CSMD1: variants seen among roughly 807,000 people sequenced by gnomAD.
The protein encoded by CSMD1 is CUB and sushi domain-containing protein 1.
In CSMD1, 213 loss-of-function variants were observed where a neutral mutation model predicts 417.5. The observed-to-expected ratio is 0.51, with a 90% CI of 0.46 to 0.57. The LOEUF (loss-of-function observed/expected upper bound fraction) is 0.57, where lower values mean the gene tolerates loss of function less well. Among genes scored for constraint, CSMD1 ranks in the 20% least tolerant of loss-of-function variants. The pLI is 0.00. For missense variants in CSMD1, 6,923 were observed against 4,529.7 expected, an observed-to-expected ratio of 1.53 and a Z score of -15.17; for synonymous variants, 2,862 against 1,736.8, an observed-to-expected ratio of 1.65 and a Z score of -16.11.
intron 2 of CSMD1, among the ~76,000 whole-genome samples, chr8:4,595,387 C>CTTTTTTTTTT: frequency 1.2e-4 from 18 of 147,318 alleles, no homozygotes; most frequent in East Asian, 2.0e-4. Flanking sequence ...CATTCATTTT[C>CTTTTTTTTTT]ATTCCATCCA....
intron 12 of CSMD1, among the ~76,000 whole-genome samples, chr8:3,460,120 G>C (rs62473729): frequency 0.014 from 2,181 of 152,196 alleles, 21 homozygotes; most frequent in Middle Eastern, 0.024. Flanking sequence ...TTGGGATGGA[G>C]GCAGCTCAGG....
chr8:3,894,443 A>C (rs924546208), intron 5 of CSMD1, among the ~76,000 whole-genome samples: 2 of 152,222 alleles, frequency 1.3e-5, no homozygotes, highest in African/African-American at 4.8e-5. Flanking sequence ...TTTCAAGTAA[A>C]AGAAAATAAT....
intron 13 of CSMD1, among the ~76,000 whole-genome samples, chr8:3,408,986 G>A (rs983845207): frequency 1.3e-5 from 2 of 152,090 alleles, no homozygotes; most frequent in African/African-American, 4.8e-5. Flanking sequence ...ATTCTTAAGA[G>A]GAAGTGGGCA....
At chr8:3,893,241 TTCTTA>T (rs1365496086) in intron 5 of CSMD1, among the ~76,000 whole-genome samples, 18 of 150,104 alleles carry the variant, frequency 1.2e-4, no homozygotes, top group African/African-American at 4.1e-4. Flanking sequence ...TTTTTTCTTC[TTCTTA>T]TATTTGTAAT....
At chr8:3,485,796 A>G (rs1018768915) in intron 11 of CSMD1, among the ~76,000 whole-genome samples, 1 of 149,200 alleles carries the variant, frequency 6.7e-6, no homozygotes, top group African/African-American at 2.4e-5. Flanking sequence ...ATAAAATAAA[A>G]TAAAATAAAA....
At chr8:3,593,705 A>G (rs905420520) in intron 8 of CSMD1, among the ~76,000 whole-genome samples, 1 of 152,238 alleles carries the variant, frequency 6.6e-6, no homozygotes, top group South Asian at 2.1e-4. Flanking sequence ...ACTACATTTT[A>G]TACATCAGAA....
At chr8:3,541,260 T>C (rs1798426423) in intron 10 of CSMD1, among the ~76,000 whole-genome samples, 1 of 152,100 alleles carries the variant, frequency 6.6e-6, no homozygotes, top group Admixed American at 6.5e-5. Context: ...GCCATTACCC[T>C]CAAAGTAATG....
chr8:4,084,660 A>C (rs1248489402), intron 3 of CSMD1, among the ~76,000 whole-genome samples: 2 of 152,250 alleles, frequency 1.3e-5, no homozygotes, highest in South Asian at 4.1e-4. Flanking sequence ...CAACATTAGC[A>C]AGACCAGTAG....
chr8:3,296,519 C>T lies in CSMD1; in HGVS notation c.3950+11176G>A, dbSNP rs1247855812. 2.6e-5 allele frequency among the ~76,000 whole-genome samples: 4 copies of T among 152,104 alleles called. No individual in the cohort carries two copies. The South Asian group carries it at 6.2e-4, about 24-fold the overall frequency. ...TGATATACCAAGGCAGGAGTCCTCACCAACAATTTAAAGAACTGGCCGTGC... is the reference window on the plus strand; with the variant it reads ...TGATATACCAAGGCAGGAGTCCTCATCAACAATTTAAAGAACTGGCCGTGC... On this transcript the variant is annotated intron_variant, in intron 25 of 69. Coordinates refer to ENST00000635120, the MANE Select transcript of CSMD1 (RefSeq NM_033225.6).
At chr8:3,529,976 T>C (rs993088796) in intron 10 of CSMD1, among the ~76,000 whole-genome samples, 2 of 152,136 alleles carry the variant, frequency 1.3e-5, no homozygotes, top group African/African-American at 4.8e-5. Flanking sequence ...TGATGTGCCA[T>C]ATGTCATTTT....
At chr8:3,533,514 C>T (rs1357712897) in intron 10 of CSMD1, among the ~76,000 whole-genome samples, 1 of 152,122 alleles carries the variant, frequency 6.6e-6, no homozygotes, top group African/African-American at 2.4e-5. Flanking sequence ...CTTCACTTAG[C>T]ATCATGTGAT....
At chr8:3,034,463 T>A (rs1006415467) in intron 50 of CSMD1, among the ~76,000 whole-genome samples, 17 of 152,100 alleles carry the variant, frequency 1.1e-4, no homozygotes, top group African/African-American at 4.1e-4. Context: ...TTCAACTAAG[T>A]CCCAGTGAAA....
At chr8:4,939,245 G>A (rs1308407559) in intron 1 of CSMD1, among the ~76,000 whole-genome samples, 1 of 152,106 alleles carries the variant, frequency 6.6e-6, no homozygotes, top group Non-Finnish European at 1.5e-5. Context: ...ATTATATCGA[G>A]ATTCCTCAAA....
intron 2 of CSMD1, among the ~76,000 whole-genome samples, chr8:4,626,701 C>T (rs1427696487): frequency 6.6e-6 from 1 of 152,058 alleles, no homozygotes; most frequent in East Asian, 1.9e-4. Flanking sequence ...GCAAAGACGT[C>T]TCCCCATCCT....
chr8:4,635,008 G>A (rs948051568), intron 2 of CSMD1, among the ~76,000 whole-genome samples: 3 of 152,224 alleles, frequency 2.0e-5, no homozygotes, highest in East Asian at 3.9e-4. Flanking sequence ...CGGATAGGAG[G>A]AAGAAATATA....
At chr8:3,022,754 C>T (rs367731207) in intron 51 of CSMD1, among the ~76,000 whole-genome samples, 1 of 150,892 alleles carries the variant, frequency 6.6e-6, no homozygotes. Flanking sequence ...AATGTGTGAG[C>T]AGGGAGGGGC....
At chr8:4,600,552 A>G (rs1800526309) in intron 2 of CSMD1, among the ~76,000 whole-genome samples, 1 of 152,200 alleles carries the variant, frequency 6.6e-6, no homozygotes, top group Admixed American at 6.5e-5. Flanking sequence ...GTTGATTATA[A>G]CTATTTCCTG....
intron 1 of CSMD1, among the ~76,000 whole-genome samples, chr8:4,884,292 T>C (rs374723534): frequency 2.4e-4 from 36 of 152,020 alleles, no homozygotes; most frequent in African/African-American, 7.7e-4. Context: ...ACCAGATAGA[T>C]GATTCGCCCA....
intron 5 of CSMD1, among the ~76,000 whole-genome samples, chr8:3,964,159 A>AT (rs1812517697): frequency 6.6e-6 from 1 of 152,216 alleles, no homozygotes; most frequent in South Asian, 2.1e-4. Flanking sequence ...GTGAAGACCA[A>AT]TTTTCATCTT....
Sources: allele counts gnomAD v4.1 joint callset (sites outside exome capture counted in the v4.1 genomes callset), GRCh38; gene constraint gnomAD v4.1.1; transcripts MANE v1.5; gene names NCBI Gene and HGNC (gene_info 2026-07-23, HGNC 2026-07-21).